TRPM6: variants seen among roughly 807,000 people sequenced by gnomAD.
TRPM6 encodes transient receptor potential cation channel subfamily M member 6.
Under a neutral mutation model 247.6 loss-of-function variants are expected in TRPM6, and 111 were observed. The ratio of observed to expected loss-of-function variants is 0.45; its 90% CI spans 0.38 to 0.52. The LOEUF is 0.52. Among genes scored for constraint, TRPM6 ranks in the 20% least tolerant of loss-of-function variants. The pLI, the probability that TRPM6 is intolerant of heterozygous loss-of-function variation, is 0.00. For synonymous variants in TRPM6, 892 were observed against 853.8 expected (o/e 1.04, Z -0.78); for missense variants, 2,126 against 2,421.5 (o/e 0.88, Z 2.56).
chr9:74,806,964 C>T (rs535081622), intron 14 of TRPM6, among the ~76,000 whole-genome samples: 2 of 152,348 alleles, frequency 1.3e-5, no homozygotes, highest in Non-Finnish European at 2.9e-5. Context: ...CACTGGGCTG[C>T]ACCAGCGCCA....
At chr9:74,782,507 G>A (rs542055056) in intron 22 of TRPM6, 31 bp from the exon 23 acceptor site, 2 of 1,569,984 alleles carry the variant, frequency 1.3e-6, no homozygotes, top group East Asian at 4.6e-5. Flanking sequence ...AAGAATGAAA[G>A]ATAAGATGAA....
At chr9:74,831,094 T>C (rs1829530228) in intron 6 of TRPM6, among the ~76,000 whole-genome samples, 1 of 152,142 alleles carries the variant, frequency 6.6e-6, no homozygotes, top group African/African-American at 2.4e-5. Context: ...ATGACCTAAA[T>C]GGACAATAAT....
At chr9:74,839,995 G>T in intron 5 of TRPM6, 29 bp downstream of exon 5, 2 of 1,537,282 alleles carry the variant, frequency 1.3e-6, no homozygotes, top group Admixed American at 3.4e-5. Flanking sequence ...GAAAGAGAGG[G>T]TGGGAGAAAT....
Position 74,800,273 on chromosome 9 carries a change from C to A in TRPM6, c.2219G>T (p.Arg740Met). 6.2e-7 allele frequency: 1 copy of A among 1,614,072 alleles called. No individual in the cohort carries two copies. The highest frequency in any genetic ancestry group is 8.5e-7 in the Non-Finnish European group (1 of 1,179,994). ...TDMWMGRLKM[R>M]KNSWLKIIIS... ...ATTTACCTTTAACCAAGAGTTTTTC[C>A]TCATTTTCAGCCTCCCCATCCACAT... is the stretch of plus-strand genomic sequence containing the variant. The change falls in exon 17 of 39, where the codon AGG (arginine) becomes ATG (methionine). Residue 740 changes from arginine to methionine, a missense_variant. Physicochemically the swap from Arg to Met is moderately conservative, Grantham distance 91. Coordinates refer to ENST00000360774, the MANE Select transcript of TRPM6 (RefSeq NM_017662.5).
Position 74,879,675 on chromosome 9 carries a change from G to A in TRPM6, c.33+8149C>T, listed in dbSNP as rs775745822. The stretch of plus-strand genomic sequence containing the variant: ...TAAAAATCCAAGAGGACCAGGTTTG[G>A]TGAGTTCCTGGATAGCTGAACACAT... On this transcript the variant is annotated intron_variant, in intron 1 of 38. Coordinates refer to ENST00000360774, the MANE Select transcript of TRPM6 (RefSeq NM_017662.5). Among the ~76,000 whole-genome samples the A allele has an allele frequency of 3.3e-5, 5 of 152,146 alleles. No individual in the cohort carries two copies. In the East Asian group the frequency reaches 9.6e-4, roughly 29 times the overall value.
intron 19 of TRPM6, 137 bp from the exon 20 acceptor site, chr9:74,788,879 T>C: frequency 1.0e-6 from 1 of 982,630 alleles, no homozygotes; most frequent in East Asian, 2.6e-5. Flanking sequence ...CACCTTCGGG[T>C]TATTGATGAC....
chr9:74,729,021 CTA>C (rs1216134050), intron 37 of TRPM6, among the ~76,000 whole-genome samples: 1 of 152,146 alleles, frequency 6.6e-6, no homozygotes, highest in Non-Finnish European at 1.5e-5. Context: ...TTTGAATACT[CTA>C]TAATCATAAC....
rs748826893 is a variant in TRPM6, at chr9:74,802,131, T to C, written c.1776A>G (p.Glu592=). The C allele has an allele frequency of 2.5e-6, 4 of 1,614,056 alleles. No individual in the cohort carries two copies. In the Admixed American group the frequency reaches 5.0e-5, roughly 20 times the overall value. Residue 592 remains glutamate (E), a synonymous_variant, in exon 16 of 39, where the codon GAA becomes GAG. Coordinates refer to ENST00000360774, the MANE Select transcript of TRPM6 (RefSeq NM_017662.5). ...ACTCAGGGTCATCTGATACATTTTG[T>C]TCTTTTGACTTCTTCCTTGATTTAT... is the stretch of plus-strand genomic sequence containing the variant. ...VLHKSRKKSK[E]QNVSDDPEST... is the part of the protein sequence containing the mutation.
Position 74,834,086 on chromosome 9 carries a change from T to C in TRPM6, c.581A>G (p.His194Arg), listed in dbSNP as rs775626249. Residue 194 changes from histidine to arginine, a missense_variant, in exon 6 of 39, where the codon CAT becomes CGT. His to Arg is a conservative substitution (Grantham distance 29). Around this residue, in one of 3 missense-constraint regions of TRPM6, gnomAD observed 1,082 missense variants for 1,307.9 expected, o/e 0.83. Transcript: ENST00000360774. Reference sequence around the variant, plus strand: ...GATTTTTCTCAAGGAATGAGAGGAATGGGATTTCAAGGCATCCCCAACATG... The same window carrying C: ...GATTTTTCTCAAGGAATGAGAGGAACGGGATTTCAAGGCATCCCCAACATG... ...SKHVGDALKS[H>R]SSHSLRKIWT... 1.2e-5 allele frequency: 20 copies of C among 1,614,098 alleles called. No homozygotes were observed. In the East Asian group the frequency reaches 4.2e-4, roughly 34 times the overall value.
At chr9:74,787,101 G>A (rs866223876) in intron 20 of TRPM6, among the ~76,000 whole-genome samples, 40 of 152,062 alleles carry the variant, frequency 2.6e-4, no homozygotes, top group African/African-American at 8.5e-4. Context: ...TTGGGAGGCC[G>A]AGGCAGGTGG....
rs889423146 is a variant in TRPM6 at position 74,877,207 on chromosome 9, T to C, written c.33+10617A>G. 6.6e-5 allele frequency among the ~76,000 whole-genome samples: 10 copies of C among 152,260 alleles called. No individual in the cohort carries two copies. The East Asian group carries it at 1.9e-3, about 29-fold the overall frequency. On this transcript the variant is annotated intron_variant, in intron 1 of 38. Transcript: ENST00000360774. ...AAGAGTTATCATATGACCCAGAAAT[T>C]CCACTCCTAGGTATCGCCCCAAAAG...
Position 74,728,467 on chromosome 9 carries a change from AAC to A in TRPM6, c.5829-124_5829-123del, listed in dbSNP as rs1825407678. On this transcript the variant is annotated intron_variant, in intron 37 of 38. Coordinates refer to ENST00000360774, the MANE Select transcript of TRPM6 (RefSeq NM_017662.5). ...AGTAAACTTGAAGGAGCCAACAAAA[AAC>A]AGAGCACTTTGGGGAAACAACAATG... 39 of 727,676 alleles carry A rather than the reference AAC, an allele frequency of 5.4e-5. 1 individual carries two copies. The South Asian group carries it at 5.7e-4, about 11-fold the overall frequency. 45.1% of individuals were successfully genotyped at this position (727,676 alleles called of 1,614,324 possible).
chr9:74,886,546 C>G (rs1382357272), intron 1 of TRPM6, among the ~76,000 whole-genome samples: 1 of 147,206 alleles, frequency 6.8e-6, no homozygotes, highest in Non-Finnish European at 1.5e-5. Context: ...TTCTCCGTGT[C>G]TTAAAGCACT....
At chr9:74,741,966 G>A (rs1825880244) in intron 33 of TRPM6, among the ~76,000 whole-genome samples, 1 of 152,088 alleles carries the variant, frequency 6.6e-6, no homozygotes, top group South Asian at 2.1e-4. Flanking sequence ...TGTGAACAGT[G>A]TGAGAAGAAT....
chr9:74,772,675 C>A (rs936862588), intron 24 of TRPM6, among the ~76,000 whole-genome samples: 1 of 152,010 alleles, frequency 6.6e-6, no homozygotes, highest in African/African-American at 2.4e-5. Context: ...TCTCTTCTAG[C>A]TATTTTGAAA....
chr9:74,873,904 C>T (rs916598606), intron 1 of TRPM6, among the ~76,000 whole-genome samples: 8 of 151,770 alleles, frequency 5.3e-5, no homozygotes, highest in Non-Finnish European at 1.2e-4. Context: ...ACTGATTCCC[C>T]TAAAATTTTT....
At chr9:74,801,577 C>G (rs971538476) in intron 16 of TRPM6, among the ~76,000 whole-genome samples, 2 of 152,110 alleles carry the variant, frequency 1.3e-5, no homozygotes, top group African/African-American at 4.8e-5. Flanking sequence ...TCAAAGACTT[C>G]TAGAGTTAGG....
At chr9:74,829,620 G>T (rs573541598) in intron 6 of TRPM6, among the ~76,000 whole-genome samples, 3 of 152,146 alleles carry the variant, frequency 2.0e-5, no homozygotes, top group East Asian at 3.9e-4. Context: ...GATGCAAAAG[G>T]CACTCTGAAC....
chr9:74,858,590 A>C (rs1830598989), intron 2 of TRPM6, 79 bp downstream of exon 2: 1 of 875,366 alleles, frequency 1.1e-6, no homozygotes, highest in Non-Finnish European at 1.8e-6. Context: ...ACTTCTAAAC[A>C]AGTCATATTT....
Sources: allele counts gnomAD v4.1 joint callset (sites outside exome capture counted in the v4.1 genomes callset), GRCh38; gene constraint gnomAD v4.1.1; regional missense constraint gnomAD v4.1.1; transcripts MANE v1.5; gene names NCBI Gene and HGNC (gene_info 2026-07-23, HGNC 2026-07-21).